Variants in NUP214 observed in about 807,000 individuals in gnomAD.
The protein encoded by NUP214 is nuclear pore complex protein Nup214.
A neutral mutation model predicts 196.2 loss-of-function variants in NUP214; 79 were observed. The observed-to-expected ratio is 0.40, with a 90% CI of 0.34 to 0.49. The LOEUF (loss-of-function observed/expected upper bound fraction) is 0.49. Ranked by LOEUF, NUP214 falls within the 20% of genes least tolerant of loss-of-function variation. NUP214 has a pLI of 0.58. For missense variants in NUP214, 2,468 were observed against 2,539.0 expected (o/e 0.97, Z 0.60); for synonymous variants, 1,020 against 990.5 (o/e 1.03, Z -0.56).
At chr9:131,222,517 A>G (rs1355142053) in intron 31 of NUP214, 1 of 327,130 alleles carries the variant, frequency 3.1e-6, no homozygotes, top group Non-Finnish European at 5.6e-6. Flanking sequence ...GGGACCTCTC[A>G]CTGCTCCTTT....
Position 131,171,851 on chromosome 9 carries a change from A to G in NUP214, c.2894-2204A>G, listed in dbSNP as rs1005154717. Among the ~76,000 whole-genome samples the G allele has an allele frequency of 2.0e-3, 298 of 152,046 alleles. 3 individuals carry two copies. Among genetic ancestry groups the G allele is most frequent in the African/African-American group, 6.8e-3 (280 of 41,438 alleles). On this transcript the variant is annotated intron_variant, in intron 21 of 35. Coordinates refer to ENST00000359428, the MANE Select transcript of NUP214 (RefSeq NM_005085.4). ...ATTTTACTGAGAATGATGATTTCCA[A>G]TTTCATCCATGTCCCTACAAAGGAC...
At chr9:131,134,533 AC>A (rs1383244582) in intron 7 of NUP214, among the ~76,000 whole-genome samples, 1 of 152,184 alleles carries the variant, frequency 6.6e-6, no homozygotes, top group African/African-American at 2.4e-5. Flanking sequence ...ATTAACTGCT[AC>A]TTATGTTTCA....
Position 131,197,378 on chromosome 9 carries a change from C to G in NUP214, c.3884C>G (p.Pro1295Arg). The change falls in exon 29 of 36, where the codon CCT becomes CGT. Residue 1295 changes from proline (P) to arginine (R), a missense_variant. Transcript: ENST00000359428. Reference sequence around the variant, plus strand: ...GAACCTGCCGCATCTAGCAGCAGACCTGTGGCACCTTCTGGAACTGCTCTT... The same window carrying G: ...GAACCTGCCGCATCTAGCAGCAGACGTGTGGCACCTTCTGGAACTGCTCTT... ...PGEPAASSSR[P>R]VAPSGTALST... 1.9e-6 allele frequency: 3 copies of G among 1,614,166 alleles called. No homozygotes were observed. The highest frequency in any genetic ancestry group is 2.5e-6 in the Non-Finnish European group (3 of 1,180,030).
intron 10 of NUP214, 104 bp from the exon 11 acceptor site, chr9:131,140,442 TCAG>T: frequency 1.1e-6 from 1 of 870,088 alleles, no homozygotes; most frequent in South Asian, 1.7e-5. Flanking sequence ...GAGCTGCTAT[TCAG>T]ATGAGTCCCT....
In NUP214 at chr9:131,198,322, G is replaced by T. The variant is rs143224806; in HGVS notation, c.4828G>T (p.Glu1610Ter). The T allele has an allele frequency of 6.2e-7, 1 of 1,614,182 alleles. No homozygotes were observed. Among genetic ancestry groups the T allele is most frequent in the Admixed American group, 1.7e-5 (1 of 60,028 alleles). The change falls in exon 29 of 36, where the codon GAA (glutamate) becomes TAA (stop). Residue 1610 changes from glutamate (E) to a stop codon, truncating the protein, a stop_gained. Coordinates refer to ENST00000359428, the MANE Select transcript of NUP214 (RefSeq NM_005085.4). LOFTEE classifies it high-confidence loss of function. Reference protein sequence around the residue: ...AISSAGPVAVETSSTPIASST... With the variant: ...AISSAGPVAV ...CTCAAGTGCAGGCCCTGTGGCCGTC[G>T]AAACATCAAGTACCCCCATAGCCTC...
intron 4 of NUP214, among the ~76,000 whole-genome samples, chr9:131,129,898 C>T (rs748410264): frequency 1.6e-4 from 25 of 152,084 alleles, no homozygotes; most frequent in Non-Finnish European, 2.6e-4. Flanking sequence ...GCACTGTGCC[C>T]GGCTGAGAGT....
rs555481854 is a variant in NUP214, at chr9:131,211,480, C to T, written c.5593-3732C>T. Among the ~76,000 whole-genome samples the T allele has an allele frequency of 2.6e-5, 4 of 152,230 alleles. No homozygotes were observed. The South Asian group carries it at 6.2e-4, about 24-fold the overall frequency. The stretch of plus-strand genomic sequence containing the variant: ...ACAAAGCTGGTCATTTGTCCTGTGG[C>T]GTTTCCCATGATCTGGTTTCTGACT... On this transcript the variant is annotated intron_variant, in intron 30 of 35. Transcript: ENST00000359428.
At chr9:131,167,205 T>G (rs1832809470) in intron 21 of NUP214, 1 of 152,230 alleles carries the variant, frequency 6.6e-6, no homozygotes, top group Non-Finnish European at 1.5e-5. Context: ...CCCAAAACAC[T>G]ATGATTTGGT....
At position 131,197,829 on chromosome 9, in the gene NUP214, G is replaced by A; in HGVS notation, c.4335G>A (p.Gln1445=). 6.2e-7 allele frequency: 1 copy of A among 1,613,568 alleles called. No individual in the cohort carries two copies. The highest frequency in any genetic ancestry group is 8.5e-7 in the Non-Finnish European group (1 of 1,180,018). The change falls in exon 29 of 36, where the codon CAG becomes CAA. Residue 1445 remains glutamine (Q), a synonymous_variant. Coordinates refer to ENST00000359428, the MANE Select transcript of NUP214 (RefSeq NM_005085.4). ...GKTSFSFGSQ[Q]TNSTVPPSAP... Reference sequence around the variant, plus strand: ...CTAGTTTTTCATTTGGAAGCCAACAGACCAATAGCACAGTGCCCCCATCTG... The same window carrying A: ...CTAGTTTTTCATTTGGAAGCCAACAAACCAATAGCACAGTGCCCCCATCTG...
At chr9:131,191,608 A>G (rs1202586166) in intron 26 of NUP214, 1 of 152,224 alleles carries the variant, frequency 6.6e-6, no homozygotes, top group African/African-American at 2.4e-5. Context: ...TCTCCATATT[A>G]TAGCAATCAT....
At position 131,196,031 on chromosome 9, in the gene NUP214, C is replaced by T. The variant is rs866993210; in HGVS notation, c.3721+737C>T. 7.2e-3 allele frequency among the ~76,000 whole-genome samples: 197 copies of T among 27,418 alleles called. 49 individuals are homozygous for T. The highest frequency in any genetic ancestry group is 0.026 in the East Asian group (11 of 430). The allele number at this position is 27,418 out of a possible 152,430, so 18.0% of individuals were successfully genotyped here. ...AAGAGTGAAACTCTGTGTGTCCCCC[C>T]CCCCCCCCGCGCCAAAAAATCCATC... On this transcript the variant is annotated intron_variant, in intron 28 of 35. Coordinates refer to ENST00000359428, the MANE Select transcript of NUP214 (RefSeq NM_005085.4).
chr9:131,139,252 C>CTTCTTTTTTTTTTTTTTTTTT, intron 9 of NUP214, 29 bp from the exon 10 acceptor site: 1 of 1,235,922 alleles, frequency 8.1e-7, no homozygotes, highest in South Asian at 1.6e-5. Context: ...TCTTCTTCTT[C>CTTCTTTTTTTTTTTTTTTTTT]TTCTTTTTTT....
Position 131,174,116 on chromosome 9 carries a change from C to T in NUP214, c.2955C>T (p.Ser985=). ...ATTATGAAGACTTGGATGAAGTCAG[C>T]TCAACGTCATCTGTCTCCCAGTCTC... ...QRYYEDLDEV[S]STSSVSQSLE... Residue 985 remains serine, a synonymous_variant, in exon 22 of 36, where the codon AGC becomes AGT. Coordinates refer to ENST00000359428, the MANE Select transcript of NUP214 (RefSeq NM_005085.4). The T allele has an allele frequency of 1.2e-6, 2 of 1,613,892 alleles. No homozygotes were observed. Among genetic ancestry groups the T allele is most frequent in the Non-Finnish European group, 1.7e-6 (2 of 1,179,944 alleles).
intron 26 of NUP214, chr9:131,190,350 A>G: frequency 1.6e-6 from 1 of 621,228 alleles, no homozygotes; most frequent in South Asian, 1.9e-5. Flanking sequence ...AAGAAACCTA[A>G]GGAACTTTGC....
intron 18 of NUP214, among the ~76,000 whole-genome samples, chr9:131,161,744 G>A (rs1005625079): frequency 6.6e-5 from 10 of 152,154 alleles, no homozygotes; most frequent in Non-Finnish European, 1.0e-4. Context: ...GTTGCTTAAC[G>A]TGCGTTCTGA....
rs767237547 is a variant in NUP214 at position 131,198,545 on chromosome 9, G to A, written c.5051G>A (p.Ser1684Asn). 6.2e-7 allele frequency: 1 copy of A among 1,614,100 alleles called. No homozygotes were observed. Among genetic ancestry groups the A allele is most frequent in the African/African-American group, 1.3e-5 (1 of 74,940 alleles). The stretch of plus-strand genomic sequence containing the variant: ...CAAGTGGCAGCCAGCACCGCACCAA[G>A]TCTGTTTGGGCAGCAGACTGGTAGC... ...FGQVAASTAP[S>N]LFGQQTGSTA... The change falls in exon 29 of 36, where the codon AGT (serine) becomes AAT (asparagine). Residue 1684 changes from serine to asparagine, a missense_variant. By Grantham distance (46) the Ser-to-Asn change is conservative. Around this residue, in one of 5 missense-constraint regions of NUP214, gnomAD observed 1,801 missense variants for 1,779.4 expected, o/e 1.01. Transcript: ENST00000359428.
In NUP214 at chr9:131,129,464, A is replaced by G; in HGVS notation, c.579A>G (p.Val193=). Residue 193 remains valine, a synonymous_variant, in exon 4 of 36, where the codon GTA becomes GTG. Transcript: ENST00000359428. The part of the protein sequence containing the change: ...VKVCATLPST[V]AVTSVCWSPK... ...TATGTGCAACTCTTCCTTCCACGGT[A>G]GCAGTAACCTCTGGTGAGTAATAAA... 6.2e-7 allele frequency: 1 copy of G among 1,614,156 alleles called. No individual in the cohort carries two copies.
At chr9:131,130,946 T>C in intron 5 of NUP214, 110 bp downstream of exon 5, 2 of 771,380 alleles carry the variant, frequency 2.6e-6, no homozygotes, top group Non-Finnish European at 4.3e-6. Context: ...TTATACTCAT[T>C]GTAACAAATC....
At chr9:131,144,903 CAT>C (rs1832043092) in intron 12 of NUP214, 149 bp downstream of exon 12, 1 of 626,148 alleles carries the variant, frequency 1.6e-6, no homozygotes, top group East Asian at 2.8e-5. Context: ...ATTCAACCAA[CAT>C]AAAATACTGG....
Sources: allele counts gnomAD v4.1 joint callset (sites outside exome capture counted in the v4.1 genomes callset), GRCh38; gene constraint gnomAD v4.1.1; regional missense constraint gnomAD v4.1.1; transcripts MANE v1.5; gene names NCBI Gene and HGNC (gene_info 2026-07-23, HGNC 2026-07-21).